NAV3: variants seen among roughly 807,000 people sequenced by gnomAD.
The protein encoded by NAV3 is neuron navigator 3.
NAV3 carries 87 observed loss-of-function variants against 244.7 expected under a neutral mutation model. The observed-to-expected ratio is 0.36, with a 90% CI of 0.30 to 0.42. The LOEUF (loss-of-function observed/expected upper bound fraction) is 0.42, where lower values mean the gene tolerates loss of function less well. NAV3 is among the 20% of genes least tolerant of loss of function. The pLI is 1.00. For synonymous variants in NAV3, 1,126 were observed against 1,042.2 expected (o/e 1.08, Z -1.55); for missense variants, 2,663 against 2,893.3 (o/e 0.92, Z 1.83).
At chr12:77,901,341 AT>A (rs1158370202) in intron 1 of NAV3, among the ~76,000 whole-genome samples, 3 of 152,104 alleles carry the variant, frequency 2.0e-5, no homozygotes, top group African/African-American at 7.2e-5. Flanking sequence ...TTCTTCTAGG[AT>A]TCTTAGAGTT....
intron 2 of NAV3, among the ~76,000 whole-genome samples, chr12:77,761,688 A>C (rs1869473494): frequency 6.6e-6 from 1 of 152,242 alleles, no homozygotes; most frequent in Non-Finnish European, 1.5e-5. Flanking sequence ...GCTCATCATC[A>C]CTGGTCATTA....
intron 1 of NAV3, among the ~76,000 whole-genome samples, chr12:77,839,009 A>G (rs1029253597): frequency 3.9e-5 from 6 of 152,122 alleles, no homozygotes; most frequent in African/African-American, 9.7e-5. Flanking sequence ...TTCATCCCCA[A>G]TGCATCATTG....
At chr12:77,956,219 C>T (rs1168390390) in intron 3 of NAV3, among the ~76,000 whole-genome samples, 2 of 152,096 alleles carry the variant, frequency 1.3e-5, no homozygotes, top group African/African-American at 4.8e-5. Context: ...AACATCTTAT[C>T]TATTTTTTAA....
At chr12:78,186,139 G>A (rs77053059) in intron 31 of NAV3, among the ~76,000 whole-genome samples, 13,661 of 151,730 alleles carry the variant, frequency 0.09, 781 homozygotes, top group East Asian at 0.21. Flanking sequence ...GAACTTGGTA[G>A]GACAAATTCC....
intron 2 of NAV3, among the ~76,000 whole-genome samples, chr12:77,731,046 G>C (rs977300782): frequency 2.6e-5 from 4 of 151,820 alleles, no homozygotes; most frequent in Non-Finnish European, 1.5e-5. Flanking sequence ...AAAAACACAC[G>C]GTTTCAAAAT....
At chr12:77,830,514 T>C (rs1873493913), upstream of NAV3, among the ~76,000 whole-genome samples, 2 of 152,262 alleles carry the variant, frequency 1.3e-5, no homozygotes, top group East Asian at 1.9e-4. Context: ...GCTTTGAATG[T>C]TTTTATAATC....
chr12:77,966,404 T>G (rs1381961210), intron 4 of NAV3, 103 bp downstream of exon 4: 7 of 933,852 alleles, frequency 7.5e-6, no homozygotes, highest in Non-Finnish European at 1.1e-5. Flanking sequence ...CTCCTTAATA[T>G]GATAAAGGAA....
At chr12:77,925,522 A>AT (rs1336721449) in intron 1 of NAV3, among the ~76,000 whole-genome samples, 1 of 89,416 alleles carries the variant, frequency 1.1e-5, no homozygotes, top group African/African-American at 4.8e-5. Flanking sequence ...AAATGAAAGG[A>AT]TTTTAGGATG....
At chr12:77,671,641 C>A (rs975929283) in intron 2 of NAV3, among the ~76,000 whole-genome samples, 1 of 151,992 alleles carries the variant, frequency 6.6e-6, no homozygotes, top group Admixed American at 6.6e-5. Context: ...TTTGATAAAG[C>A]AAACAAAAAC....
intron 1 of NAV3, among the ~76,000 whole-genome samples, chr12:77,936,891 AT>A (rs1889377158): frequency 6.6e-6 from 1 of 152,118 alleles, no homozygotes; most frequent in Admixed American, 6.6e-5. Context: ...GACACAACTC[AT>A]TTTTCCACCT....
intron 15 of NAV3, among the ~76,000 whole-genome samples, chr12:78,120,799 A>C (rs1034915032): frequency 2.0e-5 from 3 of 152,316 alleles, no homozygotes; most frequent in Non-Finnish European, 4.4e-5. Context: ...TTATGGGTTC[A>C]ATATTTTTAA....
chr12:78,192,646 G>A (rs891089616), intron 34 of NAV3, among the ~76,000 whole-genome samples: 17 of 151,774 alleles, frequency 1.1e-4, no homozygotes, highest in Admixed American at 3.9e-4. Flanking sequence ...CCCTGACCTC[G>A]TGATCCACCT....
intron 2 of NAV3, among the ~76,000 whole-genome samples, chr12:77,658,646 G>C (rs938387557): frequency 6.6e-6 from 1 of 152,054 alleles, no homozygotes; most frequent in Non-Finnish European, 1.5e-5. Flanking sequence ...AGCCCGCATT[G>C]CCAAGTCAAT....
intron 2 of NAV3, among the ~76,000 whole-genome samples, chr12:77,689,043 G>A (rs1248937907): frequency 6.6e-6 from 1 of 151,904 alleles, no homozygotes; most frequent in Non-Finnish European, 1.5e-5. Flanking sequence ...GACTGCATAA[G>A]CAGAAGGGTT....
chr12:77,712,888 G>A (rs1876187917), intron 2 of NAV3, among the ~76,000 whole-genome samples: 1 of 152,138 alleles, frequency 6.6e-6, no homozygotes, highest in African/African-American at 2.4e-5. Flanking sequence ...ACATTTTACA[G>A]ATCACACTCC....
At chr12:77,655,409 A>G (rs1873047534) in intron 2 of NAV3, among the ~76,000 whole-genome samples, 1 of 152,186 alleles carries the variant, frequency 6.6e-6, no homozygotes, top group Non-Finnish European at 1.5e-5. Context: ...TTAGAGAAAA[A>G]AGAATAAAAA....
At chr12:77,790,170 A>G (rs996590819) in intron 2 of NAV3, among the ~76,000 whole-genome samples, 1 of 152,240 alleles carries the variant, frequency 6.6e-6, no homozygotes, top group African/African-American at 2.4e-5. Context: ...TCTAATACAA[A>G]TAACAATTTT....
chr12:78,200,192 T>A (rs752785670), intron 37 of NAV3, among the ~76,000 whole-genome samples: 26 of 152,110 alleles, frequency 1.7e-4, no homozygotes, highest in Non-Finnish European at 3.2e-4. Flanking sequence ...CAGCACAGCT[T>A]TATTGCTTGT....
At chr12:77,608,642 C>T (rs1209500278) in intron 2 of NAV3, among the ~76,000 whole-genome samples, 1 of 152,074 alleles carries the variant, frequency 6.6e-6, no homozygotes, top group Admixed American at 6.6e-5. Flanking sequence ...CTAATTTGTC[C>T]AAGCTGGTAG....
Sources: allele counts gnomAD v4.1 joint callset (sites outside exome capture counted in the v4.1 genomes callset), GRCh38; gene constraint gnomAD v4.1.1; transcripts MANE v1.5; gene names NCBI Gene and HGNC (gene_info 2026-07-23, HGNC 2026-07-21).